The following MSI2 variants were observed in gnomAD, a reference collection of about 807,000 sequenced individuals.
MSI2 encodes the protein RNA-binding protein Musashi homolog 2.
MSI2 carries 17 observed loss-of-function variants against 45.6 expected under a neutral mutation model. That is an observed-to-expected ratio of 0.37 (90% CI 0.26 to 0.56). MSI2 has a LOEUF of 0.56. Ranked by LOEUF, MSI2 falls within the 20% of genes least tolerant of loss-of-function variation. The pLI is 0.77. For missense variants in MSI2, 293 were observed against 444.2 expected, an observed-to-expected ratio of 0.66 and a Z score of 3.06; for synonymous variants, 156 against 158.2, an observed-to-expected ratio of 0.99 and a Z score of 0.11.
intron 4 of MSI2, 135 bp from the exon 5 acceptor site, chr17:57,262,016 T>G: frequency 1.1e-6 from 1 of 883,700 alleles, no homozygotes; most frequent in Admixed American, 2.4e-5. Flanking sequence ...TTTAAGAAAC[T>G]TTTGAGTTGC....
intron 11 of MSI2, among the ~76,000 whole-genome samples, chr17:57,662,794 C>T (rs11650613): frequency 0.14 from 20,834 of 152,284 alleles, 2,007 homozygotes; most frequent in East Asian, 0.41. Context: ...TGCACCTGCT[C>T]CTGCTGTTGC....
intron 6 of MSI2, among the ~76,000 whole-genome samples, chr17:57,404,650 C>CT (rs1405293123): frequency 6.6e-6 from 1 of 152,110 alleles, no homozygotes; most frequent in Non-Finnish European, 1.5e-5. Flanking sequence ...CTCTCCTCTC[C>CT]CTCATCCCAT....
intron 6 of MSI2, among the ~76,000 whole-genome samples, chr17:57,437,243 G>A (rs749204641): frequency 6.6e-6 from 1 of 151,982 alleles, no homozygotes; most frequent in African/African-American, 2.4e-5. Context: ...TATTTTTATC[G>A]TGTTGTAGCT....
At chr17:57,332,245 C>T (rs891832821) in intron 5 of MSI2, among the ~76,000 whole-genome samples, 1 of 152,120 alleles carries the variant, frequency 6.6e-6, no homozygotes, top group Non-Finnish European at 1.5e-5. Flanking sequence ...GGATTACAGG[C>T]GTGTGCCACC....
intron 5 of MSI2, among the ~76,000 whole-genome samples, chr17:57,277,068 T>C (rs1054934548): frequency 2.0e-5 from 3 of 148,966 alleles, no homozygotes; most frequent in Admixed American, 1.3e-4. Flanking sequence ...TTTTTTTTTT[T>C]TTTTTGAGAC....
At chr17:57,260,885 C>A (rs2143174871) in intron 4 of MSI2, among the ~76,000 whole-genome samples, 1 of 152,134 alleles carries the variant, frequency 6.6e-6, no homozygotes, top group Middle Eastern at 3.4e-3. Flanking sequence ...TCCCCACCCC[C>A]ACCTCCCTAC....
At chr17:57,673,692 T>C (rs1278157247) in intron 11 of MSI2, among the ~76,000 whole-genome samples, 5 of 150,930 alleles carry the variant, frequency 3.3e-5, no homozygotes, top group Non-Finnish European at 7.4e-5. Flanking sequence ...GCGGCCCTCA[T>C]TAGGGTCAGA....
chr17:57,492,201 G>A (rs1368319919), intron 6 of MSI2, among the ~76,000 whole-genome samples: 1 of 152,226 alleles, frequency 6.6e-6, no homozygotes, highest in Non-Finnish European at 1.5e-5. Flanking sequence ...CAGGGGCTCA[G>A]TAATCGCCAT....
intron 6 of MSI2, among the ~76,000 whole-genome samples, chr17:57,455,766 G>T (rs952813018): frequency 6.6e-6 from 1 of 152,138 alleles, no homozygotes; most frequent in Non-Finnish European, 1.5e-5. Flanking sequence ...AAGCAGGGCC[G>T]CGTGGAGTGC....
At chr17:57,403,735 G>A (rs563462824) in intron 6 of MSI2, among the ~76,000 whole-genome samples, 88 of 152,184 alleles carry the variant, frequency 5.8e-4, no homozygotes, top group African/African-American at 2.1e-3. Context: ...CCCTTGGGCA[G>A]GACTCACCAC....
In MSI2 at chr17:57,599,714, G is replaced by A. The variant is rs144068425; in HGVS notation, c.537+2764G>A. Among the ~76,000 whole-genome samples the A allele has an allele frequency of 5.3e-5, 8 of 152,338 alleles. No individual in the cohort carries two copies. In the East Asian group the frequency reaches 1.2e-3, roughly 22 times the overall value. ...ACAGGCTTTGGAGGTGTTGGTCCAC[G>A]TTCCCAGCACAGCCCAACAGTTATG... On this transcript the variant is annotated intron_variant, in intron 8 of 13. Coordinates refer to ENST00000284073, the MANE Select transcript of MSI2 (RefSeq NM_138962.4).
intron 6 of MSI2, among the ~76,000 whole-genome samples, chr17:57,466,503 G>A (rs958932538): frequency 1.3e-5 from 2 of 152,104 alleles, no homozygotes; most frequent in Admixed American, 6.5e-5. Context: ...TCAGCAGCAG[G>A]TTTTTCCCAC....
rs754316478 is a variant in MSI2, at chr17:57,596,856, C to G, written c.455-12C>G. On this transcript the variant is annotated splice_polypyrimidine_tract_variant and intron_variant, in intron 7 of 13. Coordinates refer to ENST00000284073, the MANE Select transcript of MSI2 (RefSeq NM_138962.4). This position sits in a 1 kb window ranked among gnomAD's most constrained non-coding sequence, Gnocchi z 4.6. ...CCTCTCTTTGTTTTTTCTTCTCTCT[C>G]TTTTCCTTTAGGGTTTGGCTTTGTC... The G allele has an allele frequency of 6.2e-7, 1 of 1,605,846 alleles. No individual in the cohort carries two copies. The highest frequency in any genetic ancestry group is 1.1e-5 in the South Asian group (1 of 90,904).
chr17:57,320,341 G>C (rs1017029873), intron 5 of MSI2, among the ~76,000 whole-genome samples: 2 of 152,116 alleles, frequency 1.3e-5, no homozygotes, highest in African/African-American at 4.8e-5. Flanking sequence ...CCTCTCTTGG[G>C]GAGGGAGGAG....
In MSI2 at chr17:57,566,620, A is replaced by T. The variant is rs149879930; in HGVS notation, c.455-30248A>T. 7.6e-3 allele frequency among the ~76,000 whole-genome samples: 1,154 copies of T among 152,300 alleles called. 12 individuals are homozygous for T. Among genetic ancestry groups the T allele is most frequent in the Middle Eastern group, 0.01 (3 of 294 alleles). On this transcript the variant is annotated intron_variant, in intron 7 of 13. Transcript: ENST00000284073. Reference sequence around the variant, plus strand: ...GGTATCATTTCAAGACACAGAATATAGCGCAGCATTGCTTTCTGGGATGAA... The same window carrying T: ...GGTATCATTTCAAGACACAGAATATTGCGCAGCATTGCTTTCTGGGATGAA...
In MSI2 at chr17:57,375,044, G is replaced by A. The variant is rs547475521; in HGVS notation, c.313-26335G>A. ...GTCATTGCCAGCTTGTTGGTGTGGC[G>A]GCTGAGTGCTTGGTGTTCACACAGC... On this transcript the variant is annotated intron_variant, in intron 5 of 13. Transcript: ENST00000284073. 7.2e-5 allele frequency among the ~76,000 whole-genome samples: 11 copies of A among 152,218 alleles called. No homozygotes were observed. The South Asian group carries it at 2.1e-3, about 29-fold the overall frequency.
At chr17:57,465,074 C>T (rs575857669) in intron 6 of MSI2, among the ~76,000 whole-genome samples, 2 of 152,264 alleles carry the variant, frequency 1.3e-5, no homozygotes, top group African/African-American at 4.8e-5. Flanking sequence ...TTGATGGAAC[C>T]ATCAAGAATA....
chr17:57,326,202 A>G (rs539490335), intron 5 of MSI2, among the ~76,000 whole-genome samples: 1 of 151,662 alleles, frequency 6.6e-6, no homozygotes, highest in South Asian at 2.1e-4. Flanking sequence ...TTTGAAAGCC[A>G]AACTTTTTTT....
chr17:57,500,077 G>A (rs1598338097), intron 6 of MSI2, among the ~76,000 whole-genome samples: 1 of 152,178 alleles, frequency 6.6e-6, no homozygotes, highest in South Asian at 2.1e-4. Context: ...TAGATCGCAT[G>A]TGGCACGGGG....
Sources: allele counts gnomAD v4.1 joint callset (sites outside exome capture counted in the v4.1 genomes callset), GRCh38; gene constraint gnomAD v4.1.1; non-coding constraint Gnocchi (gnomAD v3.1); transcripts MANE v1.5; gene names NCBI Gene and HGNC (gene_info 2026-07-23, HGNC 2026-07-21).